The following SP100 variants were observed in gnomAD, a reference collection of about 807,000 sequenced individuals.
The protein encoded by SP100 is nuclear autoantigen Sp-100.
Under a neutral mutation model 130.0 loss-of-function variants are expected in SP100, and 84 were observed. The observed-to-expected ratio is 0.65, with a 90% CI of 0.54 to 0.77. The LOEUF is 0.77. Among genes scored for constraint, SP100 ranks in the 30% least tolerant of loss-of-function variants. SP100 has a pLI of 0.00. For synonymous variants in SP100, 331 were observed against 351.7 expected, an observed-to-expected ratio of 0.94 and a Z score of 0.66; for missense variants, 978 against 1,052.2, an observed-to-expected ratio of 0.93 and a Z score of 0.97.
In SP100 at chr2:230,542,034, G is replaced by A. The variant is rs548044336; in HGVS notation, c.2546G>A (p.Arg849Lys). Residue 849 changes from arginine to lysine, a missense_variant and splice_region_variant, in exon 28 of 29, where the codon AGG (arginine) becomes AAG (lysine). Coordinates refer to ENST00000340126, the MANE Select transcript of SP100 (RefSeq NM_001080391.2). ...TTTCATAACCACAAGGAATTTTACA[G>A]GGTGAGTGGCTCTCCCTGCTTCCTT... Reference protein sequence around the residue: ...LIFHNHKEFYREDKFTRLGIQ... With the variant: ...LIFHNHKEFYKEDKFTRLGIQ... 52 of 1,613,864 alleles carry A rather than the reference G, an allele frequency of 3.2e-5. No individual in the cohort carries two copies. In the South Asian group the frequency reaches 5.4e-4, roughly 17 times the overall value.
chr2:230,518,306 T>G (rs2150093231), intron 24 of SP100, among the ~76,000 whole-genome samples: 2 of 152,112 alleles, frequency 1.3e-5, no homozygotes, highest in South Asian at 4.1e-4. Context: ...TTATGCCTTC[T>G]TATAATTTTC....
Position 230,541,281 on chromosome 2 carries a change from A to G in SP100, c.2332-20A>G. ...CTCTCTAAATTGCATTTAATTTGAA[A>G]TGGCCTCCATCTTTTGCAGAAATGT... On this transcript the variant is annotated intron_variant, in intron 26 of 28. Transcript: ENST00000340126. 6.2e-7 allele frequency: 1 copy of G among 1,610,028 alleles called. No individual in the cohort carries two copies. The highest frequency in any genetic ancestry group is 8.5e-7 in the Non-Finnish European group (1 of 1,177,124).
chr2:230,432,618 C>T (rs6756448), intron 2 of SP100, among the ~76,000 whole-genome samples: 57,935 of 151,872 alleles, frequency 0.38, 11,373 homozygotes, highest in African/African-American at 0.41. Flanking sequence ...TACTGAACAT[C>T]TTTTCACATG....
intron 17 of SP100, among the ~76,000 whole-genome samples, chr2:230,480,893 T>C (rs2065801380): frequency 6.6e-6 from 1 of 152,192 alleles, no homozygotes; most frequent in African/African-American, 2.4e-5. Context: ...GAAGGTGGTC[T>C]CCTTTGGGCC....
At chr2:230,523,153 C>T (rs770235398) in intron 24 of SP100, among the ~76,000 whole-genome samples, 4 of 152,178 alleles carry the variant, frequency 2.6e-5, no homozygotes, top group Non-Finnish European at 5.9e-5. Flanking sequence ...AACTGCTTCA[C>T]CCAAAATTTT....
At position 230,541,057 on chromosome 2, in the gene SP100, A is replaced by G. The variant is rs2150117694; in HGVS notation, c.2331+61A>G. On this transcript the variant is annotated intron_variant, in intron 26 of 28. Coordinates refer to ENST00000340126, the MANE Select transcript of SP100 (RefSeq NM_001080391.2). Reference sequence around the variant, plus strand: ...CTGTTCACCTGGGCAGGAGAAGCACAGTCTTACAAAGTGCTCAAGGAATGG... The same window carrying G: ...CTGTTCACCTGGGCAGGAGAAGCACGGTCTTACAAAGTGCTCAAGGAATGG... The G allele has an allele frequency of 1.9e-6, 3 of 1,551,574 alleles. No homozygotes were observed. In the East Asian group the frequency reaches 6.8e-5, roughly 35 times the overall value.
At chr2:230,469,957 C>T in intron 14 of SP100, 58 bp from the exon 15 acceptor site, 1 of 1,556,416 alleles carries the variant, frequency 6.4e-7, no homozygotes, top group Non-Finnish European at 8.7e-7. Context: ...TAAAGAATTC[C>T]CTGCTGATTC....
chr2:230,469,838 C>T (rs1306326509), intron 14 of SP100, 177 bp from the exon 15 acceptor site: 4 of 1,502,758 alleles, frequency 2.7e-6, no homozygotes, highest in East Asian at 2.7e-5. Flanking sequence ...AGAGAGGGCT[C>T]CTGGAGCAAT....
chr2:230,517,380 T>C (rs1044017305), intron 24 of SP100, among the ~76,000 whole-genome samples: 1 of 152,214 alleles, frequency 6.6e-6, no homozygotes, highest in Non-Finnish European at 1.5e-5. Flanking sequence ...GAAAGTTGTA[T>C]GGATGTAAAA....
chr2:230,482,771 A>G lies in SP100; in HGVS notation c.1600+8324A>G, dbSNP rs561408071. ...TGCCCTATCTATTCTGCATCAATAC[A>G]TATCACACTCTAGTAAATACTAAAA... On this transcript the variant is annotated intron_variant, in intron 17 of 28. Coordinates refer to ENST00000340126, the MANE Select transcript of SP100 (RefSeq NM_001080391.2). Among the ~76,000 whole-genome samples the G allele has an allele frequency of 2.2e-4, 34 of 152,198 alleles. No homozygotes were observed. In the South Asian group the frequency reaches 6.8e-3, roughly 31 times the overall value.
At chr2:230,487,592 T>C (rs773670371) in intron 17 of SP100, among the ~76,000 whole-genome samples, 1 of 152,218 alleles carries the variant, frequency 6.6e-6, no homozygotes, top group South Asian at 2.1e-4. Flanking sequence ...GTAGTATAAT[T>C]TGACATCAAG....
intron 22 of SP100, chr2:230,506,655 C>G: frequency 2.2e-6 from 1 of 465,006 alleles, no homozygotes; most frequent in Non-Finnish European, 3.8e-6. Flanking sequence ...TATTTCTTAC[C>G]CTTTTGAAGG....
At chr2:230,484,259 G>A (rs2065964396) in intron 17 of SP100, among the ~76,000 whole-genome samples, 1 of 152,222 alleles carries the variant, frequency 6.6e-6, no homozygotes, top group African/African-American at 2.4e-5. Flanking sequence ...ATGCATAGGT[G>A]ACTCAAATAA....
Position 230,461,280 on chromosome 2 carries a change from A to T in SP100, c.839A>T (p.His280Leu). Residue 280 changes from histidine to leucine, a missense_variant, in exon 9 of 29, where the codon CAC (histidine) becomes CTC (leucine). His to Leu is a moderately conservative substitution (Grantham distance 99, BLOSUM62 -3). Coordinates refer to ENST00000340126, the MANE Select transcript of SP100 (RefSeq NM_001080391.2). ...CDEESPEAEL[H>L]NHGIQINSCS... ...CAATTAGGCCCAGAGGCAGAGCTAC[A>T]CAACCATGGAATCCAAATTAATTCC... 4.3e-6 allele frequency: 7 copies of T among 1,614,142 alleles called. No individual in the cohort carries two copies. Among genetic ancestry groups the T allele is most frequent in the Non-Finnish European group, 5.9e-6 (7 of 1,180,004 alleles).
intron 8 of SP100, among the ~76,000 whole-genome samples, chr2:230,451,722 T>C (rs903813318): frequency 3.3e-5 from 5 of 152,250 alleles, no homozygotes; most frequent in African/African-American, 1.2e-4. Flanking sequence ...CTCAGACCAA[T>C]GTCGTGAAGC....
In SP100 at chr2:230,535,038, T is replaced by TA. The variant is rs1461015954; in HGVS notation, c.2095-4221dup. On this transcript the variant is annotated intron_variant, in intron 24 of 28. Transcript: ENST00000340126. ...GGTGAAACCCCGTCTCTACTAAAAATAAAAAAAATTAGCCGGGCATGGTGG... is the reference window on the plus strand; with the variant it reads ...GGTGAAACCCCGTCTCTACTAAAAATAAAAAAAAATTAGCCGGGCATGGTGG... 4.0e-5 allele frequency among the ~76,000 whole-genome samples: 6 copies of TA among 151,238 alleles called. No homozygotes were observed. The South Asian group carries it at 1.3e-3, about 32-fold the overall frequency.
In SP100 at chr2:230,461,309, T is replaced by G; in HGVS notation, c.868T>G (p.Ser290Ala). The change falls in exon 9 of 29, where the codon TCT (serine) becomes GCT (alanine). Residue 290 changes from serine (S) to alanine (A), a missense_variant. Ser to Ala is a moderately conservative substitution (Grantham distance 99). Transcript: ENST00000340126. The stretch of plus-strand genomic sequence containing the variant: ...CCATGGAATCCAAATTAATTCCTGT[T>G]CTGTGCGACTGGTGGATATAAAAAA... ...HNHGIQINSC[S>A]VRLVDIKKEK... The G allele has an allele frequency of 6.2e-7, 1 of 1,614,144 alleles. No individual in the cohort carries two copies. The highest frequency in any genetic ancestry group is 1.1e-5 in the South Asian group (1 of 91,090).
chr2:230,463,341 T>A (rs148824043), intron 10 of SP100, among the ~76,000 whole-genome samples: 11 of 152,376 alleles, frequency 7.2e-5, no homozygotes, highest in African/African-American at 2.2e-4. Flanking sequence ...ATAAGATTTA[T>A]AACATAAATA....
intron 24 of SP100, chr2:230,515,473 C>T: frequency 6.2e-7 from 1 of 1,613,280 alleles, no homozygotes; most frequent in Non-Finnish European, 8.5e-7. Flanking sequence ...GGCTGCAAAG[C>T]TGAAGGAAAA....
Sources: allele counts gnomAD v4.1 joint callset (sites outside exome capture counted in the v4.1 genomes callset), GRCh38; gene constraint gnomAD v4.1.1; transcripts MANE v1.5; gene names NCBI Gene and HGNC (gene_info 2026-07-23, HGNC 2026-07-21).